The following NCOA2 variants were observed in gnomAD, a reference collection of about 807,000 sequenced individuals.
The protein encoded by NCOA2 is class E basic helix-loop-helix protein 75.
A neutral mutation model predicts 145.1 loss-of-function variants in NCOA2; 21 were observed. The ratio of observed to expected loss-of-function variants is 0.14; its 90% CI spans 0.10 to 0.21. NCOA2 has a LOEUF of 0.21. Ranked by LOEUF, NCOA2 falls within the 10% of genes least tolerant of loss-of-function variation. NCOA2 has a pLI of 1.00. For missense variants in NCOA2, 1,472 were observed against 1,837.6 expected, an observed-to-expected ratio of 0.80 and a Z score of 3.64; for synonymous variants, 619 against 637.5, an observed-to-expected ratio of 0.97 and a Z score of 0.44.
intron 2 of NCOA2, among the ~76,000 whole-genome samples, 176 bp downstream of exon 2, chr8:70,296,568 T>C (rs1827104021): frequency 1.3e-5 from 2 of 152,218 alleles, no homozygotes; most frequent in Admixed American, 6.5e-5. Context: ...TTAAATGTTA[T>C]TTCCAATACA....
At chr8:70,323,266 T>C (rs1337625986) in intron 1 of NCOA2, among the ~76,000 whole-genome samples, 1 of 152,150 alleles carries the variant, frequency 6.6e-6, no homozygotes, top group Non-Finnish European at 1.5e-5. Context: ...GGAAACAAAC[T>C]AAAAGAAGTT....
chr8:70,447,926 C>T, the NCOA2 span, among the ~76,000 whole-genome samples: 1 of 152,176 alleles, frequency 6.6e-6, no homozygotes. Context: ...CTCAAGCCAT[C>T]CTCCTGCTTT....
At chr8:70,271,768 T>C (rs1416715613) in intron 2 of NCOA2, among the ~76,000 whole-genome samples, 2 of 152,232 alleles carry the variant, frequency 1.3e-5, no homozygotes, top group African/African-American at 4.8e-5. Context: ...ACCAGATCCA[T>C]CATTTGCTTC....
intron 1 of NCOA2, among the ~76,000 whole-genome samples, chr8:70,367,071 C>T (rs1810766939): frequency 1.3e-5 from 2 of 152,216 alleles, no homozygotes; most frequent in Non-Finnish European, 2.9e-5. Context: ...ATAATAGCAA[C>T]CCGATCATGT....
chr8:70,147,071 CAAGA>C (rs1278506776), intron 12 of NCOA2, among the ~76,000 whole-genome samples: 41 of 152,110 alleles, frequency 2.7e-4, no homozygotes, highest in Admixed American at 9.2e-4. Context: ...CTCCATTGCC[CAAGA>C]AAGAGTGAGG....
In NCOA2 at chr8:70,112,597, G is replaced by A. The variant is rs1289440751; in HGVS notation, c.*1035C>T. 9.8e-6 allele frequency: 2 copies of A among 204,460 alleles called. No homozygotes were observed. The highest frequency in any genetic ancestry group is 1.5e-4 in the East Asian group (2 of 13,354). The allele number at this position is 204,460 out of a possible 1,614,324, so 12.7% of individuals were successfully genotyped here. ...CTTCCAAAGCAGGTATCCTTAGCTC[G>A]ATTGGTATCAAGCCTTAACTTTGCT... On this transcript the variant is annotated 3_prime_UTR_variant, in exon 23 of 23. Coordinates refer to ENST00000452400, the MANE Select transcript of NCOA2 (RefSeq NM_006540.4).
intron 2 of NCOA2, among the ~76,000 whole-genome samples, chr8:70,279,220 C>G (rs573348182): frequency 8.5e-5 from 13 of 152,154 alleles, no homozygotes; most frequent in Admixed American, 2.6e-4. Context: ...CCCTCTCTGC[C>G]TGGAATTACC....
chr8:70,403,667 C>T (rs1365895532), intron 1 of NCOA2, 33 bp downstream of exon 1: 3 of 375,670 alleles, frequency 8.0e-6, no homozygotes, highest in Non-Finnish European at 1.4e-5. Context: ...GCCCCCCGCC[C>T]GCCCTCGCGG....
intron 1 of NCOA2, among the ~76,000 whole-genome samples, chr8:70,373,214 C>A (rs996744822): frequency 1.3e-5 from 2 of 152,186 alleles, no homozygotes; most frequent in Non-Finnish European, 2.9e-5. Context: ...CCTCAACCAG[C>A]AAAGAATGAG....
intron 1 of NCOA2, among the ~76,000 whole-genome samples, chr8:70,318,040 A>G (rs191579190): frequency 2.3e-4 from 35 of 152,360 alleles, no homozygotes; most frequent in African/African-American, 7.2e-4. Flanking sequence ...TTCAAGTTGC[A>G]GGCCATTTCA....
At chr8:70,290,685 A>G (rs1206989549) in intron 2 of NCOA2, among the ~76,000 whole-genome samples, 1 of 152,208 alleles carries the variant, frequency 6.6e-6, no homozygotes, top group Admixed American at 6.5e-5. Context: ...TCCTAATGCT[A>G]AAGAATCACA....
intron 2 of NCOA2, among the ~76,000 whole-genome samples, chr8:70,253,500 G>A (rs181211600): frequency 3.1e-3 from 478 of 152,180 alleles, no homozygotes; most frequent in African/African-American, 0.01. Context: ...GTTAGGAAGT[G>A]TGCAATATCA....
intron 2 of NCOA2, among the ~76,000 whole-genome samples, chr8:70,251,963 G>GT (rs2134758870): frequency 6.6e-6 from 1 of 152,234 alleles, no homozygotes; most frequent in East Asian, 1.9e-4. Context: ...AGATGCTCAA[G>GT]TTCCTGATAT....
At chr8:70,186,629 T>C (rs1324209182) in intron 4 of NCOA2, among the ~76,000 whole-genome samples, 1 of 152,216 alleles carries the variant, frequency 6.6e-6, no homozygotes, top group African/African-American at 2.4e-5. Context: ...ATCAAAAATA[T>C]GCTACTACAA....
At chr8:70,441,386 A>C in the NCOA2 span, among the ~76,000 whole-genome samples, 4 of 70,988 alleles carry the variant, frequency 5.6e-5, no homozygotes, top group East Asian at 1.2e-3. Context: ...AGAAAGAAGA[A>C]AGAGAAAGAA....
Position 70,380,575 on chromosome 8 carries a change from CTGTG to C in NCOA2, c.-77+23121_-77+23124del, listed in dbSNP as rs1812096092. Among the ~76,000 whole-genome samples, 3 of 152,222 alleles carry C rather than the reference CTGTG, an allele frequency of 2.0e-5. No individual in the cohort carries two copies. In the South Asian group the frequency reaches 6.2e-4, roughly 32 times the overall value. ...ATTTCTGCTGTCACAGAGCTTAGAA[CTGTG>C]TGTGTTTATTAATGTTTCTCTCCCC... On this transcript the variant is annotated intron_variant, in intron 1 of 22. Coordinates refer to ENST00000452400, the MANE Select transcript of NCOA2 (RefSeq NM_006540.4).
At chr8:70,448,092 A>G in the NCOA2 span, among the ~76,000 whole-genome samples, 2 of 151,886 alleles carry the variant, frequency 1.3e-5, no homozygotes, top group African/African-American at 4.8e-5. Flanking sequence ...GTTATTTCTA[A>G]CAGACTTTTT....
chr8:70,410,292 G>A, the NCOA2 span, among the ~76,000 whole-genome samples: 35 of 152,210 alleles, frequency 2.3e-4, no homozygotes, highest in Middle Eastern at 3.4e-3. Context: ...TGGCAGAATT[G>A]TACAAACACC....
intron 4 of NCOA2, among the ~76,000 whole-genome samples, chr8:70,208,515 G>A (rs901046694): frequency 2.6e-5 from 4 of 152,208 alleles, no homozygotes; most frequent in African/African-American, 9.6e-5. Flanking sequence ...GTTGGAAGAA[G>A]CAGCCATCTA....
Sources: gnomAD v4.1 joint callset for allele counts (sites outside exome capture counted in the v4.1 genomes callset) on GRCh38, gnomAD v4.1.1 for gene constraint, MANE v1.5 for transcripts, NCBI Gene and HGNC (gene_info 2026-07-23, HGNC 2026-07-21) for gene names.